Variants in DOCK8 observed in about 807,000 individuals in gnomAD.
DOCK8 encodes the protein dedicator of cytokinesis 8.
A neutral mutation model predicts 245.6 loss-of-function variants in DOCK8; 141 were observed. The observed-to-expected ratio is 0.57, with a 90% CI of 0.50 to 0.66. The LOEUF (loss-of-function observed/expected upper bound fraction) is 0.66, where lower values mean the gene tolerates loss of function less well. Among genes scored for constraint, DOCK8 ranks in the 30% least tolerant of loss-of-function variants. The pLI, the probability that DOCK8 is intolerant of heterozygous loss-of-function variation, is 0.00. For synonymous variants in DOCK8, 1,168 were observed against 970.2 expected (o/e 1.20, Z -3.79); for missense variants, 2,965 against 2,603.4 (o/e 1.14, Z -3.02).
rs76047579 is a variant in DOCK8 at position 266,235 on chromosome 9, G to T, written c.54-5392G>T. 1.7e-3 allele frequency among the ~76,000 whole-genome samples: 266 copies of T among 152,190 alleles called. 1 individual carries two copies. The highest frequency in any genetic ancestry group is 6.2e-3 in the African/African-American group (259 of 41,508). ...CTAACAAGGAACTGTGCATATTCCT[G>T]TAATAGAATACTTACCATATTATAT... On this transcript the variant is annotated intron_variant, in intron 1 of 47. Coordinates refer to ENST00000432829, the MANE Select transcript of DOCK8 (RefSeq NM_203447.4).
At chr9:333,635 C>T (rs570660753) in intron 10 of DOCK8, among the ~76,000 whole-genome samples, 10 of 151,278 alleles carry the variant, frequency 6.6e-5, no homozygotes, top group East Asian at 1.9e-4. Context: ...TGGAATAAGA[C>T]TTACCTTATT....
chr9:228,124 G>A (rs1021976963), intron 1 of DOCK8, among the ~76,000 whole-genome samples: 2 of 152,140 alleles, frequency 1.3e-5, no homozygotes, highest in African/African-American at 4.8e-5. Context: ...TAAAAAGCCT[G>A]GATGAGGCCG....
chr9:443,336 C>A, intron 42 of DOCK8, 91 bp from the exon 43 acceptor site: 1 of 1,198,398 alleles, frequency 8.3e-7, no homozygotes, highest in Non-Finnish European at 1.2e-6. Context: ...TTCTACCTTG[C>A]ACTTGCTCCA....
intron 21 of DOCK8, 78 bp from the exon 22 acceptor site, chr9:382,435 C>G: frequency 6.3e-7 from 1 of 1,594,326 alleles, no homozygotes; most frequent in East Asian, 2.2e-5. Context: ...CACCCTATCC[C>G]TCTTCAATTC....
At chr9:375,321 G>T (rs2053471331) in intron 18 of DOCK8, among the ~76,000 whole-genome samples, 1 of 152,070 alleles carries the variant, frequency 6.6e-6, no homozygotes, top group African/African-American at 2.4e-5. Flanking sequence ...GGGAATTTAA[G>T]GCAAGAAACT....
At chr9:421,688 G>A (rs1197515020) in intron 32 of DOCK8, among the ~76,000 whole-genome samples, 1 of 152,176 alleles carries the variant, frequency 6.6e-6, no homozygotes, top group African/African-American at 2.4e-5. Flanking sequence ...CAGTGGCAGG[G>A]AACTTGGAGG....
rs751622919 is a variant in DOCK8, at chr9:441,350, G to A, written c.5288G>A (p.Arg1763Gln). 1.9e-6 allele frequency: 3 copies of A among 1,614,044 alleles called. No individual in the cohort carries two copies. Among genetic ancestry groups the A allele is most frequent in the Non-Finnish European group, 2.5e-6 (3 of 1,180,034 alleles). Residue 1763 changes from arginine to glutamine, a missense_variant, in exon 41 of 48, where the codon CGA becomes CAA. Physicochemically the swap from Arg to Gln is conservative, Grantham distance 43. Around this residue, in one of 3 missense-constraint regions of DOCK8, gnomAD observed 2,825 missense variants for 2,453.5 expected, o/e 1.15. Transcript: ENST00000432829. ...KLVIPILEAH[R>Q]EFRKLTLTHS... ...GTCATCCCCATCCTAGAAGCGCATCGAGAATTCCGGAAGCTGACACTCACT... is the reference window on the plus strand; with the variant it reads ...GTCATCCCCATCCTAGAAGCGCATCAAGAATTCCGGAAGCTGACACTCACT...
chr9:400,895 T>A (rs1233609087), intron 26 of DOCK8, among the ~76,000 whole-genome samples: 177 of 41,970 alleles, frequency 4.2e-3, no homozygotes, highest in Non-Finnish European at 5.0e-3. Flanking sequence ...CACCACCACC[T>A]CCCCCACTAC....
At chr9:299,330 A>C (rs1269511896) in intron 4 of DOCK8, among the ~76,000 whole-genome samples, 3 of 152,142 alleles carry the variant, frequency 2.0e-5, no homozygotes, top group African/African-American at 4.8e-5. Flanking sequence ...CCGTGTGAGA[A>C]TTTCTCTCAA....
intron 33 of DOCK8, among the ~76,000 whole-genome samples, chr9:424,062 C>CT (rs35430451): frequency 0.046 from 6,793 of 147,104 alleles, 527 homozygotes; most frequent in African/African-American, 0.16. Context: ...GGGCTTTGTG[C>CT]TTTTTTTTTT....
At chr9:418,765 A>G (rs1004123184) in intron 30 of DOCK8, among the ~76,000 whole-genome samples, 4 of 152,218 alleles carry the variant, frequency 2.6e-5, no homozygotes, top group African/African-American at 9.7e-5. Flanking sequence ...AAGAAACCGG[A>G]AAAGAGGAAA....
chr9:216,032 G>T (rs141297366), intron 1 of DOCK8, among the ~76,000 whole-genome samples: 1 of 152,142 alleles, frequency 6.6e-6, no homozygotes, highest in Non-Finnish European at 1.5e-5. Flanking sequence ...GAAGAGGTTT[G>T]AACAAGGAAT....
At chr9:251,286 T>C (rs183012263) in intron 1 of DOCK8, among the ~76,000 whole-genome samples, 20 of 152,320 alleles carry the variant, frequency 1.3e-4, no homozygotes, top group Admixed American at 7.8e-4. Context: ...AGAATCATAC[T>C]TGATGAAAAA....
chr9:304,840 T>A, intron 5 of DOCK8, 136 bp downstream of exon 5: 1 of 1,253,678 alleles, frequency 8.0e-7, no homozygotes, highest in Non-Finnish European at 1.1e-6. Flanking sequence ...TCTGAGTCAG[T>A]GATTTTTTTT....
At chr9:371,644 T>C in intron 17 of DOCK8, 78 bp downstream of exon 17, 1 of 1,580,964 alleles carries the variant, frequency 6.3e-7, no homozygotes, top group Non-Finnish European at 8.6e-7. Context: ...AACAACCAAA[T>C]TCTATTCACT....
chr9:352,220 C>T (rs76973882), intron 14 of DOCK8, among the ~76,000 whole-genome samples: 3,805 of 152,216 alleles, frequency 0.025, 165 homozygotes, highest in African/African-American at 0.087. Context: ...GGCCTAACTG[C>T]TCTTTCAAGG....
chr9:214,791 G>C (rs774990688), upstream of DOCK8: 24 of 1,572,560 alleles, frequency 1.5e-5, no homozygotes, highest in African/African-American at 3.2e-4. Context: ...GGCCGTCGCT[G>C]CTCCGAGCTC....
intron 14 of DOCK8, among the ~76,000 whole-genome samples, chr9:355,022 A>G (rs1038487132): frequency 2.0e-5 from 3 of 152,084 alleles, no homozygotes; most frequent in African/African-American, 4.8e-5. Context: ...ATCATTGGTT[A>G]TTTCATTAGA....
At chr9:359,905 T>C (rs1461741624) in intron 14 of DOCK8, among the ~76,000 whole-genome samples, 1 of 152,024 alleles carries the variant, frequency 6.6e-6, no homozygotes, top group Admixed American at 6.6e-5. Context: ...CTGAAAGAGC[T>C]TATTTAGAAA....
Sources: gnomAD v4.1 joint callset for allele counts (sites outside exome capture counted in the v4.1 genomes callset) on GRCh38, gnomAD v4.1.1 for gene constraint, gnomAD v4.1.1 regional missense constraint, MANE v1.5 for transcripts, NCBI Gene and HGNC (gene_info 2026-07-23, HGNC 2026-07-21) for gene names.